The following HEMK2 variants were observed in gnomAD, a reference collection of about 807,000 sequenced individuals.
HEMK2 encodes HemK methyltransferase 2, ETF1 glutamine and histone H4 lysine.
At chr21:28,834,533 T>C in the HEMK2 span, among the ~76,000 whole-genome samples, 26,044 of 152,160 alleles carry the variant, frequency 0.17, 2,665 homozygotes, top group East Asian at 0.5. Context: ...AGGCCATTCC[T>C]GCCTGTCACC....
the HEMK2 span, among the ~76,000 whole-genome samples, chr21:28,602,176 GT>G: frequency 6.6e-6 from 1 of 152,002 alleles, no homozygotes; most frequent in South Asian, 2.1e-4. Flanking sequence ...GGCTTCGTTG[GT>G]TGTCTTTGAT....
chr21:28,626,223 T>G, the HEMK2 span, among the ~76,000 whole-genome samples: 1 of 152,248 alleles, frequency 6.6e-6, no homozygotes, highest in South Asian at 2.1e-4. Context: ...ATTAAACTAT[T>G]ATGCGGTTAT....
chr21:28,730,979 GAA>G, the HEMK2 span, among the ~76,000 whole-genome samples: 3 of 151,850 alleles, frequency 2.0e-5, no homozygotes, highest in African/African-American at 7.3e-5. Context: ...ATCCCAGCAG[GAA>G]AAACTCACGC....
the HEMK2 span, among the ~76,000 whole-genome samples, chr21:28,737,157 C>T: frequency 6.6e-6 from 1 of 152,316 alleles, no homozygotes; most frequent in South Asian, 2.1e-4. Context: ...CAGGGTCTCA[C>T]TTTGTCACCC....
At chr21:28,681,940 T>C in the HEMK2 span, among the ~76,000 whole-genome samples, 1 of 152,202 alleles carries the variant, frequency 6.6e-6, no homozygotes, top group East Asian at 1.9e-4. Context: ...CCTAAAACCA[T>C]GAAAACCCTA....
chr21:28,641,386 G>GC, the HEMK2 span, among the ~76,000 whole-genome samples: 1 of 152,098 alleles, frequency 6.6e-6, no homozygotes, highest in South Asian at 2.1e-4. Flanking sequence ...CTTGCAGTGT[G>GC]CCCCCCTCCT....
the HEMK2 span, among the ~76,000 whole-genome samples, chr21:28,721,773 T>G: frequency 6.6e-6 from 1 of 152,090 alleles, no homozygotes; most frequent in Non-Finnish European, 1.5e-5. Flanking sequence ...ACTGGAATTC[T>G]CAGGGATAGA....
At chr21:28,817,911 T>A in the HEMK2 span, among the ~76,000 whole-genome samples, 7 of 152,164 alleles carry the variant, frequency 4.6e-5, no homozygotes, top group African/African-American at 1.4e-4. Context: ...ATTAATAAAA[T>A]CTTGTAAAAT....
the HEMK2 span, among the ~76,000 whole-genome samples, chr21:28,824,776 T>TTTG: frequency 2.6e-5 from 4 of 152,330 alleles, 1 homozygote; most frequent in African/African-American, 7.2e-5. Context: ...TCTTGGCTTT[T>TTTG]TTGTTGTTGT....
the HEMK2 span, among the ~76,000 whole-genome samples, chr21:28,860,079 T>A: frequency 6.6e-6 from 1 of 152,086 alleles, no homozygotes; most frequent in Non-Finnish European, 1.5e-5. Context: ...ATACTGAGTG[T>A]CAACTTGTTT....
At chr21:28,869,512 C>A in the HEMK2 span, among the ~76,000 whole-genome samples, 1 of 152,142 alleles carries the variant, frequency 6.6e-6, no homozygotes. Context: ...ACTTCTTCTT[C>A]TTGGGCATAC....
the HEMK2 span, among the ~76,000 whole-genome samples, chr21:28,878,767 T>G: frequency 1.3e-5 from 2 of 151,706 alleles, no homozygotes; most frequent in Admixed American, 1.3e-4. Flanking sequence ...GGGTAGCTTT[T>G]GTACTTAACA....
chr21:28,615,937 C>T, the HEMK2 span, among the ~76,000 whole-genome samples: 1 of 151,970 alleles, frequency 6.6e-6, no homozygotes, highest in Non-Finnish European at 1.5e-5. Context: ...GAAAACAAGT[C>T]AAAAGTTATG....
At chr21:28,846,263 T>C in the HEMK2 span, among the ~76,000 whole-genome samples, 1 of 152,200 alleles carries the variant, frequency 6.6e-6, no homozygotes. Context: ...AACATATGCA[T>C]TCATGTGCCT....
At chr21:28,841,316 A>ATAT in the HEMK2 span, among the ~76,000 whole-genome samples, 56 of 9,820 alleles carry the variant, frequency 5.7e-3, 3 homozygotes, top group African/African-American at 0.061. Context: ...ATAATATATA[A>ATAT]TATATATTAT....
the HEMK2 span, among the ~76,000 whole-genome samples, chr21:28,847,464 A>G: frequency 6.6e-4 from 101 of 152,204 alleles, no homozygotes; most frequent in African/African-American, 2.4e-3. Flanking sequence ...ACCTTTTAAC[A>G]AAGTTATTTG....
chr21:28,660,324 T>A, the HEMK2 span, among the ~76,000 whole-genome samples: 1 of 151,792 alleles, frequency 6.6e-6, no homozygotes, highest in African/African-American at 2.4e-5. Flanking sequence ...TCCACTAACA[T>A]GTTGAACAGT....
chr21:28,809,251 A>G, the HEMK2 span, among the ~76,000 whole-genome samples: 1 of 152,176 alleles, frequency 6.6e-6, no homozygotes, highest in Non-Finnish European at 1.5e-5. Context: ...AAGCAAAGGT[A>G]GAGGGAGAAA....
the HEMK2 span, among the ~76,000 whole-genome samples, chr21:28,599,339 C>T: frequency 7.2e-5 from 11 of 152,056 alleles, no homozygotes; most frequent in South Asian, 2.1e-4. Flanking sequence ...ACAATCATGG[C>T]GAAGGCAAAA....
Sources: allele counts gnomAD v4.1 joint callset (sites outside exome capture counted in the v4.1 genomes callset), GRCh38; gene constraint gnomAD v4.1.1; transcripts MANE v1.5; gene names NCBI Gene and HGNC (gene_info 2026-07-23, HGNC 2026-07-21).